The following ARG2 variants were observed in gnomAD, a reference collection of about 807,000 sequenced individuals.
The protein encoded by ARG2 is arginase 2, also known as arginase-2, mitochondrial.
In ARG2, 21 loss-of-function variants were observed where a neutral mutation model predicts 39.4. That is an observed-to-expected ratio of 0.53 (90% CI 0.38 to 0.77). The LOEUF is 0.77. ARG2 is among the 30% of genes least tolerant of loss of function. The pLI is 0.00. For synonymous variants in ARG2, 150 were observed against 156.7 expected, an observed-to-expected ratio of 0.96 and a Z score of 0.32; for missense variants, 378 against 426.2, an observed-to-expected ratio of 0.89 and a Z score of 1.00.
At chr14:67,642,118 G>A in intron 2 of ARG2, 68 bp from the exon 3 acceptor site, 5 of 1,453,404 alleles carry the variant, frequency 3.4e-6, no homozygotes, top group Non-Finnish European at 4.8e-6. Flanking sequence ...TTATCATTGT[G>A]GCCCAGGCTA....
At chr14:67,632,827 T>C (rs974668826) in intron 2 of ARG2, among the ~76,000 whole-genome samples, 2 of 133,462 alleles carry the variant, frequency 1.5e-5, no homozygotes, top group African/African-American at 5.7e-5. Context: ...TTTTTTTTTT[T>C]TTTTTTTTTT....
rs780779961 is a variant in ARG2, at chr14:67,650,828, C to A, written c.973C>A (p.Gln325Lys). 6.2e-7 allele frequency: 1 copy of A among 1,614,200 alleles called. No homozygotes were observed. Among genetic ancestry groups the A allele is most frequent in the South Asian group, 1.1e-5 (1 of 91,078 alleles). Residue 325 changes from glutamine (Q) to lysine (K), a missense_variant, in exon 8 of 8, where the codon CAG (glutamine) becomes AAG (lysine). Gln to Lys is a moderately conservative substitution (Grantham distance 53, BLOSUM62 1). Coordinates refer to ENST00000261783, the MANE Select transcript of ARG2 (RefSeq NM_001172.4). ...AGATGTGATTGCTTCAAGCTTTGGT[C>A]AGACAAGAGAAGGAGGGCATATTGT... ...AVDVIASSFG[Q>K]TREGGHIVYD... is the part of the protein sequence containing the mutation.
At chr14:67,633,115 C>T (rs943747797) in intron 2 of ARG2, among the ~76,000 whole-genome samples, 1 of 152,128 alleles carries the variant, frequency 6.6e-6, no homozygotes, top group Admixed American at 6.5e-5. Flanking sequence ...CCACTGCGCC[C>T]GGCCAAGCCT....
chr14:67,621,104 T>C lies in ARG2; in HGVS notation c.184+138T>C. On this transcript the variant is annotated intron_variant, in intron 2 of 7. Transcript: ENST00000261783. ...ATCCCGCATCCTCCTTTGGATTCCG[T>C]CTGCGGCTTAAGATCAAGGAGTCAT... 3.9e-6 allele frequency: 3 copies of C among 762,704 alleles called. No homozygotes were observed. The South Asian group carries it at 4.9e-5, about 13-fold the overall frequency. The allele number at this position is 762,704 out of a possible 1,614,324, so 47.2% of individuals were successfully genotyped here.
At chr14:67,620,217 G>A in intron 1 of ARG2, 129 bp downstream of exon 1, 2 of 591,012 alleles carry the variant, frequency 3.4e-6, no homozygotes, top group Non-Finnish European at 5.7e-6. Flanking sequence ...GGAAGAGCTG[G>A]CCGGTTCCCG....
chr14:67,620,627 A>G (rs999774976), intron 1 of ARG2, among the ~76,000 whole-genome samples: 1 of 152,140 alleles, frequency 6.6e-6, no homozygotes, highest in Non-Finnish European at 1.5e-5. Context: ...GGGAGCGCTC[A>G]GTCATCTCGA....
At chr14:67,649,633 A>G (rs1318715989) in intron 7 of ARG2, 1 of 152,194 alleles carries the variant, frequency 6.6e-6, no homozygotes, top group East Asian at 1.9e-4. Flanking sequence ...GAAATGATGG[A>G]AATGCTACAG....
At chr14:67,620,635 C>CGAAGCCCA (rs2036799672) in intron 1 of ARG2, among the ~76,000 whole-genome samples, 3 of 152,098 alleles carry the variant, frequency 2.0e-5, no homozygotes. Flanking sequence ...TCAGTCATCT[C>CGAAGCCCA]GAAGCCCAGA....
chr14:67,634,988 G>A (rs372409059), intron 2 of ARG2, among the ~76,000 whole-genome samples: 12 of 152,276 alleles, frequency 7.9e-5, no homozygotes, highest in African/African-American at 2.6e-4. Flanking sequence ...GCTCACGCCT[G>A]TAATCCAGCA....
At chr14:67,647,855 T>C (rs1254685783) in intron 6 of ARG2, 192 bp from the exon 7 acceptor site, 2 of 602,800 alleles carry the variant, frequency 3.3e-6, no homozygotes, top group East Asian at 2.8e-5. Context: ...AAGTGGTATG[T>C]AGGAAGTTAA....
At chr14:67,634,161 T>A (rs572364900) in intron 2 of ARG2, among the ~76,000 whole-genome samples, 1 of 152,312 alleles carries the variant, frequency 6.6e-6, no homozygotes, top group Admixed American at 6.5e-5. Context: ...ATCACAACCC[T>A]TGATGAGTTT....
At chr14:67,633,272 T>C (rs2036937400) in intron 2 of ARG2, among the ~76,000 whole-genome samples, 1 of 152,216 alleles carries the variant, frequency 6.6e-6, no homozygotes, top group Non-Finnish European at 1.5e-5. Flanking sequence ...GTTCTCTCTT[T>C]TTTTTTCTTC....
intron 6 of ARG2, 69 bp downstream of exon 6, chr14:67,647,094 G>A: frequency 2.0e-6 from 2 of 1,000,926 alleles, no homozygotes; most frequent in East Asian, 2.4e-5. Context: ...GTTTCTTGAG[G>A]ACAGCAGCTT....
In ARG2 at chr14:67,646,715, G is replaced by C; in HGVS notation, c.594G>C (p.Leu198=). The C allele has an allele frequency of 6.2e-7, 1 of 1,613,436 alleles. No homozygotes were observed. Among genetic ancestry groups the C allele is most frequent in the Non-Finnish European group, 8.5e-7 (1 of 1,179,414 alleles). The part of the protein sequence containing the change: ...ISSASIVYIG[L]RDVDPPEHFI... ...CTGCAAGTATTGTGTATATTGGTCT[G>C]AGAGACGTGGACCCTCCTGAACAGT... Residue 198 remains leucine, a synonymous_variant, in exon 5 of 8, where the codon CTG becomes CTC. Transcript: ENST00000261783.
At chr14:67,622,913 T>C (rs2036825937) in intron 2 of ARG2, among the ~76,000 whole-genome samples, 1 of 152,222 alleles carries the variant, frequency 6.6e-6, no homozygotes, top group Non-Finnish European at 1.5e-5. Context: ...CTTCTCTTAC[T>C]CATGCTTTGT....
chr14:67,650,638 C>A, intron 7 of ARG2, 77 bp from the exon 8 acceptor site: 1 of 1,371,462 alleles, frequency 7.3e-7, no homozygotes, highest in Non-Finnish European at 1.0e-6. Flanking sequence ...GGCTTGTTCT[C>A]CCTGTCCCAG....
chr14:67,641,634 A>G (rs1281101460), intron 2 of ARG2, among the ~76,000 whole-genome samples: 1 of 152,186 alleles, frequency 6.6e-6, no homozygotes, highest in Non-Finnish European at 1.5e-5. Flanking sequence ...GCTATTTATA[A>G]AAGTTTATAA....
In ARG2 at chr14:67,645,679, C is replaced by A; in HGVS notation, c.399C>A (p.His133Gln). Residue 133 changes from histidine (H) to glutamine (Q), a missense_variant, in exon 4 of 8, where the codon CAC (histidine) becomes CAA (glutamine). Physicochemically the swap from His to Gln is conservative, Grantham distance 24. Transcript: ENST00000261783. Reference protein sequence around the residue: ...AIGTISGHARHCPDLCVVWVD... With the variant: ...AIGTISGHARQCPDLCVVWVD... ...GTACCATTAGTGGCCATGCCCGACA[C>A]TGCCCAGACCTTTGTGTTGTCTGGG... 1 of 1,613,912 alleles carries A rather than the reference C, an allele frequency of 6.2e-7. No individual in the cohort carries two copies. The highest frequency in any genetic ancestry group is 8.5e-7 in the Non-Finnish European group (1 of 1,179,892).
Position 67,645,648 on chromosome 14 carries a change from C to T in ARG2, c.368C>T (p.Ala123Val). The T allele has an allele frequency of 6.2e-7, 1 of 1,612,342 alleles. No individual in the cohort carries two copies. The highest frequency in any genetic ancestry group is 8.5e-7 in the Non-Finnish European group (1 of 1,179,360). The change falls in exon 4 of 8, where the codon GCA (alanine) becomes GTA (valine). Residue 123 changes from alanine (A) to valine (V), a missense_variant. Physicochemically the swap from Ala to Val is moderately conservative, Grantham distance 64 (BLOSUM62 0). Transcript: ENST00000261783. ...ATTATACTTGTTCTTTGCAGCCTGG[C>T]AATCGGTACCATTAGTGGCCATGCC... is the stretch of plus-strand genomic sequence containing the variant. ...CVTLGGDHSL[A>V]IGTISGHARH...
Sources: gnomAD v4.1 joint callset for allele counts (sites outside exome capture counted in the v4.1 genomes callset) on GRCh38, gnomAD v4.1.1 for gene constraint, MANE v1.5 for transcripts, NCBI Gene and HGNC (gene_info 2026-07-23, HGNC 2026-07-21) for gene names.